The following SLC31A1 variants were observed in gnomAD, a reference collection of about 807,000 sequenced individuals.
The protein encoded by SLC31A1 is high affinity copper uptake protein 1.
In SLC31A1, 5 loss-of-function variants were observed where a neutral mutation model predicts 17.2. The ratio of observed to expected loss-of-function variants is 0.29; its 90% CI spans 0.15 to 0.61. The LOEUF (loss-of-function observed/expected upper bound fraction) is 0.61. SLC31A1 is among the 20% of genes least tolerant of loss of function. The pLI is 0.86. For synonymous variants in SLC31A1, 76 were observed against 78.8 expected (o/e 0.96, Z 0.19); for missense variants, 161 against 241.4 (o/e 0.67, Z 2.21).
Position 113,260,499 on chromosome 9 carries a change from T to G in SLC31A1, c.*26T>G, listed in dbSNP as rs1454089246. ...CATCAAACTCTATGGCGTGGCCTTA[T>G]CGATTGCAGTGGGAAGTTGTTGAAG... On this transcript the variant is annotated 3_prime_UTR_variant, in exon 5 of 5. Transcript: ENST00000374212. The G allele has an allele frequency of 1.9e-6, 3 of 1,595,394 alleles. No homozygotes were observed. The highest frequency in any genetic ancestry group is 1.3e-5 in the African/African-American group (1 of 74,576).
intron 2 of SLC31A1, among the ~76,000 whole-genome samples, chr9:113,256,856 G>A (rs1277508165): frequency 3.9e-5 from 5 of 129,318 alleles, no homozygotes; most frequent in Admixed American, 1.5e-4. Context: ...GCGAGAATCC[G>A]TATCAAAAAA....
intron 1 of SLC31A1, among the ~76,000 whole-genome samples, chr9:113,231,292 G>A (rs567982266): frequency 2.0e-5 from 3 of 152,228 alleles, no homozygotes; most frequent in South Asian, 4.1e-4. Flanking sequence ...GGCCGGGTAC[G>A]GTGGCTTACA....
At chr9:113,253,219 T>C (rs1012156299) in intron 1 of SLC31A1, among the ~76,000 whole-genome samples, 5 of 152,310 alleles carry the variant, frequency 3.3e-5, no homozygotes, top group African/African-American at 1.2e-4. Context: ...CCTCCCAAAG[T>C]GCTCGGATTA....
chr9:113,236,096 T>A lies in SLC31A1; in HGVS notation c.-36+14418T>A, dbSNP rs1587989430. Among the ~76,000 whole-genome samples the A allele has an allele frequency of 2.0e-5, 3 of 152,294 alleles. No homozygotes were observed. In the Middle Eastern group the frequency reaches 0.01, roughly 518 times the overall value. ...TCTGCCTCCCAAGTTCAAGCAATTC[T>A]CGTGCCTCAGCTTCCTGAGTTGCTG... On this transcript the variant is annotated intron_variant, in intron 1 of 4. Coordinates refer to ENST00000374212, the MANE Select transcript of SLC31A1 (RefSeq NM_001859.4).
At chr9:113,252,830 T>C (rs1831670666) in intron 1 of SLC31A1, among the ~76,000 whole-genome samples, 1 of 152,224 alleles carries the variant, frequency 6.6e-6, no homozygotes, top group African/African-American at 2.4e-5. Context: ...GGTTTTCTTA[T>C]GCTATAATCA....
At chr9:113,252,360 A>G (rs893961559) in intron 1 of SLC31A1, among the ~76,000 whole-genome samples, 1 of 152,200 alleles carries the variant, frequency 6.6e-6, no homozygotes, top group African/African-American at 2.4e-5. Flanking sequence ...CAATGGCACA[A>G]TCTCGGCTCA....
intron 4 of SLC31A1, among the ~76,000 whole-genome samples, chr9:113,259,441 G>C (rs932473525): frequency 3.9e-5 from 6 of 152,122 alleles, no homozygotes; most frequent in Non-Finnish European, 8.8e-5. Flanking sequence ...TTATTGTACT[G>C]ATGAGCTTAC....
At chr9:113,234,647 T>C (rs1831436729) in intron 1 of SLC31A1, among the ~76,000 whole-genome samples, 1 of 151,986 alleles carries the variant, frequency 6.6e-6, no homozygotes, top group African/African-American at 2.4e-5. Context: ...AGCACCTAAA[T>C]TTTGAGGCCC....
intron 1 of SLC31A1, among the ~76,000 whole-genome samples, chr9:113,250,945 C>T (rs1038736958): frequency 3.9e-5 from 6 of 152,150 alleles, no homozygotes; most frequent in African/African-American, 1.2e-4. Context: ...TCTCTTTGCA[C>T]ATGCCCACTT....
At position 113,258,654 on chromosome 9, in the gene SLC31A1, C is replaced by G; in HGVS notation, c.203-40C>G. 3 of 1,610,262 alleles carry G rather than the reference C, an allele frequency of 1.9e-6. No homozygotes were observed. Among genetic ancestry groups the G allele is most frequent in the Non-Finnish European group, 2.5e-6 (3 of 1,177,274 alleles). ...CAGCACATTGGCTAATGATTTTGCA[C>G]ATGTTTGACAGTACCTCCATATTTT... is the stretch of plus-strand genomic sequence containing the variant. On this transcript the variant is annotated intron_variant, in intron 3 of 4. Transcript: ENST00000374212. This position sits in a 1 kb window ranked among gnomAD's most constrained non-coding sequence, Gnocchi z 4.8.
At position 113,258,973 on chromosome 9, in the gene SLC31A1, G is replaced by A; in HGVS notation, c.371+111G>A. 2 of 1,148,572 alleles carry A rather than the reference G, an allele frequency of 1.7e-6. No homozygotes were observed. The highest frequency in any genetic ancestry group is 1.3e-5 in the South Asian group (1 of 79,038). 71.1% of individuals were successfully genotyped at this position (1,148,572 alleles called of 1,614,324 possible). A position where few individuals can be genotyped will look rare whatever the true frequency, so the allele number is the denominator to read the frequency against. On this transcript the variant is annotated intron_variant, in intron 4 of 4. Coordinates refer to ENST00000374212, the MANE Select transcript of SLC31A1 (RefSeq NM_001859.4). This position sits in a 1 kb window ranked among gnomAD's most constrained non-coding sequence, Gnocchi z 4.8. ...TCTTCTTGAGTTAGGAGTTCTGTAT[G>A]ACCTTGATCAAAACTGTCCTTGGAG...
In SLC31A1 at chr9:113,258,607, T is replaced by G; in HGVS notation, c.203-87T>G. 7.0e-7 allele frequency: 1 copy of G among 1,437,694 alleles called. No homozygotes were observed. The highest frequency in any genetic ancestry group is 9.8e-7 in the Non-Finnish European group (1 of 1,022,462). 89.1% of individuals were successfully genotyped at this position (1,437,694 alleles called of 1,614,324 possible). A position where few individuals can be genotyped will look rare whatever the true frequency, so the allele number is the denominator to read the frequency against. On this transcript the variant is annotated intron_variant, in intron 3 of 4. Transcript: ENST00000374212. This position sits in a 1 kb window ranked among gnomAD's most constrained non-coding sequence, Gnocchi z 4.8. Reference sequence around the variant, plus strand: ...TTCAAAAGCTGAGAGTAGCATTTTTTCTATGTGTCTTTCTAGCTGGACAGC... The same window carrying G: ...TTCAAAAGCTGAGAGTAGCATTTTTGCTATGTGTCTTTCTAGCTGGACAGC...
Position 113,260,336 on chromosome 9 carries a change from A to G in SLC31A1, c.436A>G (p.Ser146Gly). The G allele has an allele frequency of 1.9e-6, 3 of 1,614,136 alleles. No homozygotes were observed. Among genetic ancestry groups the G allele is most frequent in the Non-Finnish European group, 2.5e-6 (3 of 1,180,028 alleles). The change falls in exon 5 of 5, where the codon AGC becomes GGC. Residue 146 changes from serine (S) to glycine (G), a missense_variant. Ser to Gly is a moderately conservative substitution (Grantham distance 56). Transcript: ENST00000374212. ...GCTGCACATCATCCAGGTGGTCATAAGCTACTTCCTCATGCTCATCTTCAT... is the reference window on the plus strand; with the variant it reads ...GCTGCACATCATCCAGGTGGTCATAGGCTACTTCCTCATGCTCATCTTCAT... The part of the protein sequence containing the change: ...TVLHIIQVVI[S>G]YFLMLIFMTY...
chr9:113,257,323 T>C, intron 3 of SLC31A1, 138 bp downstream of exon 3: 1 of 793,646 alleles, frequency 1.3e-6, no homozygotes, highest in Non-Finnish European at 2.2e-6. Flanking sequence ...TTGGTTCCTA[T>C]TTCCTACCTA....
chr9:113,256,538 G>A, intron 2 of SLC31A1: 2 of 383,420 alleles, frequency 5.2e-6, no homozygotes, highest in Non-Finnish European at 9.5e-6. Flanking sequence ...TAGGGGTTCT[G>A]GTCTTTATGC....
At chr9:113,246,161 C>A (rs1831575707) in intron 1 of SLC31A1, among the ~76,000 whole-genome samples, 1 of 151,920 alleles carries the variant, frequency 6.6e-6, no homozygotes, top group Non-Finnish European at 1.5e-5. Context: ...AGCGATCCTC[C>A]CACACCCTCT....
At chr9:113,222,244 G>A (rs995435998) in intron 1 of SLC31A1, among the ~76,000 whole-genome samples, 4 of 152,156 alleles carry the variant, frequency 2.6e-5, no homozygotes, top group Middle Eastern at 3.2e-3. Flanking sequence ...CTACGCGGAT[G>A]AGGTGCAGAA....
At chr9:113,236,918 TGA>T (rs1831466362) in intron 1 of SLC31A1, among the ~76,000 whole-genome samples, 1 of 152,104 alleles carries the variant, frequency 6.6e-6, no homozygotes, top group South Asian at 2.1e-4. Flanking sequence ...AGTCAGTGTT[TGA>T]GAGTGACAGC....
Position 113,258,167 on chromosome 9 carries a change from C to G in SLC31A1, c.203-527C>G, listed in dbSNP as rs1831749099. ...TGCGCAAACTCAATAGTCAGTTGGACTGCCTTAGGTACCAGATGTCTGTTT... is the reference window on the plus strand; with the variant it reads ...TGCGCAAACTCAATAGTCAGTTGGAGTGCCTTAGGTACCAGATGTCTGTTT... On this transcript the variant is annotated intron_variant, in intron 3 of 4. Coordinates refer to ENST00000374212, the MANE Select transcript of SLC31A1 (RefSeq NM_001859.4). The surrounding 1 kb of genome is among the most constrained non-coding windows in gnomAD (Gnocchi z 4.8). Among the ~76,000 whole-genome samples the G allele has an allele frequency of 6.6e-6, 1 of 152,174 alleles. No individual in the cohort carries two copies. Among genetic ancestry groups the G allele is most frequent in the Non-Finnish European group, 1.5e-5 (1 of 68,026 alleles).
Sources: allele counts gnomAD v4.1 joint callset (sites outside exome capture counted in the v4.1 genomes callset), GRCh38; gene constraint gnomAD v4.1.1; non-coding constraint Gnocchi (gnomAD v3.1); transcripts MANE v1.5; gene names NCBI Gene and HGNC (gene_info 2026-07-23, HGNC 2026-07-21).